Variants in PDE4D observed in about 807,000 individuals in gnomAD.
PDE4D encodes 3',5'-cyclic-AMP phosphodiesterase 4D.
In PDE4D, 24 loss-of-function variants were observed where a neutral mutation model predicts 87.4. The ratio of observed to expected loss-of-function variants is 0.27; its 90% CI spans 0.20 to 0.39. The LOEUF is 0.39. Ranked by LOEUF, PDE4D falls within the 10% of genes least tolerant of loss-of-function variation. The pLI is 1.00. For missense variants in PDE4D, 714 were observed against 1,041.0 expected (o/e 0.69, Z 4.32); for synonymous variants, 384 against 383.2 (o/e 1.00, Z -0.02).
chr5:59,395,744 C>A (rs570469935), intron 1 of PDE4D, among the ~76,000 whole-genome samples: 8 of 131,294 alleles, frequency 6.1e-5, no homozygotes, highest in East Asian at 2.3e-4. Flanking sequence ...ATGACTTTGA[C>A]GAGCTGAGAG....
At chr5:59,367,342 T>C (rs1005916652) in intron 1 of PDE4D, among the ~76,000 whole-genome samples, 1 of 152,228 alleles carries the variant, frequency 6.6e-6, no homozygotes, top group Non-Finnish European at 1.5e-5. Context: ...CACCAAAATG[T>C]TGATCAAGTT....
intron 1 of PDE4D, among the ~76,000 whole-genome samples, chr5:59,730,538 A>T (rs913157175): frequency 6.6e-6 from 1 of 152,160 alleles, no homozygotes; most frequent in Non-Finnish European, 1.5e-5. Flanking sequence ...AGCTCTGACA[A>T]TGAGATTCAT....
intron 1 of PDE4D, among the ~76,000 whole-genome samples, chr5:59,298,972 A>G (rs1157997051): frequency 3.3e-5 from 5 of 152,188 alleles, no homozygotes; most frequent in Non-Finnish European, 5.9e-5. Flanking sequence ...AAATTTTCCA[A>G]ACACACAAAA....
chr5:60,170,083 A>C (rs1271618761), intron 2 of PDE4D, among the ~76,000 whole-genome samples: 1 of 151,908 alleles, frequency 6.6e-6, no homozygotes. Context: ...TCTAATTTGG[A>C]TTAAGTATTA....
intron 1 of PDE4D, among the ~76,000 whole-genome samples, chr5:59,502,706 GTGTGTA>G (rs1348718373): frequency 8.0e-6 from 1 of 125,330 alleles, no homozygotes; most frequent in Non-Finnish European, 1.8e-5. Flanking sequence ...GTGTGTGTGT[GTGTGTA>G]GTTTGTTTTA....
intron 1 of PDE4D, among the ~76,000 whole-genome samples, chr5:60,456,308 T>C (rs955753620): frequency 6.6e-6 from 1 of 152,282 alleles, no homozygotes; most frequent in Middle Eastern, 3.4e-3. Context: ...GGAAGACCAG[T>C]AGGGCCCTCT....
intron 1 of PDE4D, among the ~76,000 whole-genome samples, chr5:60,454,329 A>G (rs1049785304): frequency 3.3e-5 from 5 of 152,174 alleles, no homozygotes; most frequent in African/African-American, 9.6e-5. Flanking sequence ...AAATCATTCT[A>G]TTATAAAGAT....
intron 1 of PDE4D, among the ~76,000 whole-genome samples, chr5:59,246,940 C>T (rs1419907449): frequency 6.6e-6 from 1 of 152,136 alleles, no homozygotes; most frequent in East Asian, 1.9e-4. Context: ...CATGTGTGTA[C>T]ACACTTTTAT....
intron 1 of PDE4D, among the ~76,000 whole-genome samples, chr5:60,406,130 A>G (rs1318582763): frequency 2.0e-5 from 3 of 152,282 alleles, no homozygotes; most frequent in South Asian, 4.1e-4. Context: ...CAAAACAACA[A>G]TAAGACAAAA....
chr5:60,012,178 A>G (rs1420631291), intron 2 of PDE4D, among the ~76,000 whole-genome samples: 2 of 152,204 alleles, frequency 1.3e-5, no homozygotes, highest in Admixed American at 6.5e-5. Flanking sequence ...ATACATTCAT[A>G]ATTGAAATCT....
chr5:60,000,373 A>C (rs1361043742), intron 2 of PDE4D, among the ~76,000 whole-genome samples: 1 of 152,164 alleles, frequency 6.6e-6, no homozygotes, highest in Non-Finnish European at 1.5e-5. Context: ...ACCTTCAATG[A>C]CATTAGCAGA....
At chr5:59,133,794 C>T (rs1436106754) in intron 5 of PDE4D, among the ~76,000 whole-genome samples, 11 of 152,164 alleles carry the variant, frequency 7.2e-5, no homozygotes, top group Admixed American at 4.6e-4. Context: ...CATCCAGCTA[C>T]ACGTGAGATG....
chr5:59,866,971 T>G (rs1747129042), intron 1 of PDE4D, among the ~76,000 whole-genome samples: 1 of 152,196 alleles, frequency 6.6e-6, no homozygotes. Flanking sequence ...TATGTCCCAA[T>G]CTTAATAAAA....
At chr5:59,743,527 AC>A (rs1356818852) in intron 1 of PDE4D, among the ~76,000 whole-genome samples, 1 of 152,122 alleles carries the variant, frequency 6.6e-6, no homozygotes. Context: ...AAACACACAC[AC>A]ACACGTAAGT....
At chr5:59,993,073 G>T (rs950182927) in intron 2 of PDE4D, among the ~76,000 whole-genome samples, 4 of 152,114 alleles carry the variant, frequency 2.6e-5, no homozygotes, top group Non-Finnish European at 5.9e-5. Context: ...AAAAAAGATA[G>T]TATTTCTAAT....
chr5:59,001,215 T>A (rs1212664984), intron 6 of PDE4D, among the ~76,000 whole-genome samples: 1 of 152,120 alleles, frequency 6.6e-6, no homozygotes, highest in Non-Finnish European at 1.5e-5. Flanking sequence ...AAAAACTAGG[T>A]TTTAGTTGAT....
At chr5:59,800,705 C>G (rs1410927972) in intron 1 of PDE4D, among the ~76,000 whole-genome samples, 1 of 151,750 alleles carries the variant, frequency 6.6e-6, no homozygotes, top group Non-Finnish European at 1.5e-5. Context: ...AAAGAGTGAG[C>G]TCACAGTCAG....
intron 1 of PDE4D, among the ~76,000 whole-genome samples, chr5:60,290,068 T>C (rs1752752756): frequency 6.6e-6 from 1 of 152,220 alleles, no homozygotes. Flanking sequence ...TTGGTACTCA[T>C]ATGTGTAAGT....
chr5:59,832,128 G>A (rs532492365), intron 1 of PDE4D, among the ~76,000 whole-genome samples: 111 of 152,204 alleles, frequency 7.3e-4, no homozygotes, highest in Middle Eastern at 3.4e-3. Flanking sequence ...GTGCGGGATC[G>A]AAAAATCAAA....
Sources: gnomAD v4.1 joint callset for allele counts (sites outside exome capture counted in the v4.1 genomes callset) on GRCh38, gnomAD v4.1.1 for gene constraint, MANE v1.5 for transcripts, NCBI Gene and HGNC (gene_info 2026-07-23, HGNC 2026-07-21) for gene names.